The following FBXL2 variants were observed in gnomAD, a reference collection of about 807,000 sequenced individuals.
The protein encoded by FBXL2 is F-box/LRR-repeat protein 2.
FBXL2 carries 38 observed loss-of-function variants against 69.2 expected under a neutral mutation model. The ratio of observed to expected loss-of-function variants is 0.55; its 90% CI spans 0.42 to 0.72. FBXL2 has a LOEUF of 0.72. Ranked by LOEUF, FBXL2 falls within the 30% of genes least tolerant of loss-of-function variation. The pLI is 0.00. For missense variants in FBXL2, 354 were observed against 520.3 expected (o/e 0.68, Z 3.11); for synonymous variants, 192 against 201.3 (o/e 0.95, Z 0.39).
At chr3:33,324,652 A>G (rs2038534272) in intron 2 of FBXL2, among the ~76,000 whole-genome samples, 1 of 151,880 alleles carries the variant, frequency 6.6e-6, no homozygotes, top group South Asian at 2.1e-4. Context: ...GTTCTTTTCC[A>G]TTGGTCTATA....
At chr3:33,388,317 A>AT (rs149803471), downstream of FBXL2, 2,018 of 152,680 alleles carry the variant, frequency 0.013, 18 homozygotes, top group South Asian at 0.027. Context: ...AGGAACTGGG[A>AT]TTTTAAATGA....
At chr3:33,320,284 A>G (rs904953305) in intron 2 of FBXL2, among the ~76,000 whole-genome samples, 2 of 152,220 alleles carry the variant, frequency 1.3e-5, no homozygotes, top group Admixed American at 6.5e-5. Context: ...ATGCATGGGT[A>G]CAGGATATAA....
intron 5 of FBXL2, among the ~76,000 whole-genome samples, chr3:33,371,771 T>G (rs4678929): frequency 0.18 from 27,683 of 152,108 alleles, 3,214 homozygotes; most frequent in East Asian, 0.47. Flanking sequence ...ATACTCAGGT[T>G]TTGTTCTGGG....
intron 2 of FBXL2, among the ~76,000 whole-genome samples, chr3:33,354,523 AAATT>A (rs1327007134): frequency 1.3e-5 from 2 of 152,124 alleles, no homozygotes; most frequent in South Asian, 2.1e-4. Context: ...GAAAAAAAAA[AAATT>A]AAAGGGGAGA....
chr3:33,390,909 T>C (rs1021746509), downstream of FBXL2: 4 of 146,184 alleles, frequency 2.7e-5, no homozygotes, highest in Admixed American at 6.8e-5. Flanking sequence ...CGACAAAGTT[T>C]AAAAAAAAAA....
In FBXL2 at chr3:33,375,312, CA is replaced by C; in HGVS notation, c.683del (p.Gln228ArgfsTer30). 6.2e-7 allele frequency: 1 copy of C among 1,614,120 alleles called. No individual in the cohort carries two copies. The highest frequency in any genetic ancestry group is 8.5e-7 in the Non-Finnish European group (1 of 1,179,974). On this transcript the variant is annotated frameshift_variant, in exon 10 of 15. Transcript: ENST00000484457. LOFTEE classifies it high-confidence loss of function. The stretch of plus-strand genomic sequence containing the variant: ...GCGTATCACGGATGAAGGTGTGGTG[CA>C]GATATGCAGGGGCTGTCACCGGCTA... Reference protein sequence around the residue: ...CSRITDEGVVQICRGCHRLQA... With the variant: ...CSRITDEGVVXICRGCHRLQA...
At chr3:33,392,577 A>T, downstream of FBXL2, 1 of 1,611,984 alleles carries the variant, frequency 6.2e-7, no homozygotes, top group East Asian at 2.2e-5. Flanking sequence ...TACTGTGGAG[A>T]ATAAAAAACA....
chr3:33,281,758 C>T (rs1313267880), intron 1 of FBXL2, among the ~76,000 whole-genome samples: 2 of 151,928 alleles, frequency 1.3e-5, no homozygotes, highest in Non-Finnish European at 2.9e-5. Flanking sequence ...GAGATGGTAT[C>T]TCATTGTGGT....
At chr3:33,287,283 A>C (rs1575595289) in intron 1 of FBXL2, among the ~76,000 whole-genome samples, 1 of 152,088 alleles carries the variant, frequency 6.6e-6, no homozygotes, top group Non-Finnish European at 1.5e-5. Flanking sequence ...TTTCTCTATT[A>C]ATTTTCTTTC....
intron 12 of FBXL2, chr3:33,393,163 A>ATAAG: frequency 1.1e-6 from 1 of 893,594 alleles, no homozygotes. Flanking sequence ...ACTCTTGGTT[A>ATAAG]TAAGTTCTTC....
At chr3:33,393,162 T>A in intron 12 of FBXL2, 1 of 889,936 alleles carries the variant, frequency 1.1e-6, no homozygotes, top group Non-Finnish European at 1.6e-6. Flanking sequence ...AACTCTTGGT[T>A]ATAAGTTCTT....
At chr3:33,371,330 A>ATTTTT (rs749436186) in intron 5 of FBXL2, among the ~76,000 whole-genome samples, 2 of 134,140 alleles carry the variant, frequency 1.5e-5, no homozygotes, top group African/African-American at 2.8e-5. Flanking sequence ...ATACCAGCTA[A>ATTTTT]TTTTTTTTTT....
intron 1 of FBXL2, among the ~76,000 whole-genome samples, chr3:33,285,178 C>G (rs996842828): frequency 9.2e-5 from 14 of 152,166 alleles, no homozygotes; most frequent in African/African-American, 3.4e-4. Context: ...GTGGCTGGTA[C>G]TGGTTGTTCC....
intron 2 of FBXL2, among the ~76,000 whole-genome samples, chr3:33,299,910 C>T (rs1320354261): frequency 6.6e-6 from 1 of 152,140 alleles, no homozygotes; most frequent in Non-Finnish European, 1.5e-5. Context: ...AGAAGCAATA[C>T]CGCTGTGTCC....
the FBXL2 span, chr3:33,414,111 A>C: frequency 6.6e-6 from 1 of 152,180 alleles, no homozygotes; most frequent in African/African-American, 2.4e-5. Context: ...TAAAAGGAGG[A>C]CCAAAGTTAG....
At chr3:33,400,128 A>G (rs1187726380) in intron 12 of FBXL2, 218 of 1,152,682 alleles carry the variant, frequency 1.9e-4, no homozygotes, top group Admixed American at 3.0e-5. Context: ...TAAAGTTAAT[A>G]AAAGCACAGA....
rs1182948418 is a variant in FBXL2, at chr3:33,396,390, A to AAAAG, written n.1215-6843_1215-6842insAAGA. On this transcript the variant is annotated intron_variant and non_coding_transcript_variant, in intron 12 of 12. Transcript: ENST00000463736. ...TTCTATTTCCTTATGAGAACTTTAT[A>AAAAG]ATGTTATTTCGTTATACAAAGTAAT... 7.4e-6 allele frequency: 6 copies of AAAAG among 809,242 alleles called. No individual in the cohort carries two copies. The East Asian group carries it at 1.5e-4, about 21-fold the overall frequency. 50.1% of individuals were successfully genotyped at this position (809,242 alleles called of 1,614,324 possible). A position where few individuals can be genotyped will look rare whatever the true frequency, so the allele number is the denominator to read the frequency against.
the FBXL2 span, among the ~76,000 whole-genome samples, chr3:33,417,774 T>TAATA: frequency 9.9e-5 from 15 of 152,218 alleles, no homozygotes; most frequent in Non-Finnish European, 7.3e-5. Context: ...AGAATGCTTA[T>TAATA]AATATCACAT....
At chr3:33,408,928 CA>C in the FBXL2 span, 7 of 962,688 alleles carry the variant, frequency 7.3e-6, no homozygotes, top group Non-Finnish European at 1.1e-5. Flanking sequence ...AAAAAAAATG[CA>C]AAACCCCAGC....
Sources: gnomAD v4.1 joint callset for allele counts (sites outside exome capture counted in the v4.1 genomes callset) on GRCh38, gnomAD v4.1.1 for gene constraint, MANE v1.5 for transcripts, NCBI Gene and HGNC (gene_info 2026-07-23, HGNC 2026-07-21) for gene names.